NOTCH3: variants seen among roughly 807,000 people sequenced by gnomAD.
The protein encoded by NOTCH3 is neurogenic locus notch homolog protein 3.
NOTCH3 carries 86 observed loss-of-function variants against 213.3 expected under a neutral mutation model. The observed-to-expected ratio is 0.40, with a 90% confidence interval of 0.34 to 0.48. The LOEUF (loss-of-function observed/expected upper bound fraction) is 0.48. Ranked by LOEUF, NOTCH3 falls within the 20% of genes least tolerant of loss-of-function variation. The pLI is 0.57. For synonymous variants in NOTCH3, 1,354 were observed against 1,355.9 expected, an observed-to-expected ratio of 1.00 and a Z score of 0.03; for missense variants, 2,783 against 3,272.6, an observed-to-expected ratio of 0.85 and a Z score of 3.65.
In NOTCH3 at chr19:15,185,715, A is replaced by G; in HGVS notation, c.1952-36T>C. 2 of 1,608,222 alleles carry G rather than the reference A, an allele frequency of 1.2e-6. No homozygotes were observed. Among genetic ancestry groups the G allele is most frequent in the Non-Finnish European group, 1.7e-6 (2 of 1,177,612 alleles). On this transcript the variant is annotated intron_variant, in intron 12 of 32. Transcript: ENST00000263388. The surrounding 1 kb of genome is among the most constrained non-coding windows in gnomAD (Gnocchi z 4.2). ...CACAAGCAATCTCATCTCAGAACAA[A>G]GTCAGCAGGGACAACCAGGGAGGGA...
chr19:15,173,998 C>T (rs2046764992), intron 25 of NOTCH3, 70 bp downstream of exon 25: 1 of 1,337,998 alleles, frequency 7.5e-7, no homozygotes, highest in Non-Finnish European at 1.0e-6. Context: ...AAATGAAACA[C>T]ACAAGACCTG....
At chr19:15,172,315 A>G (rs540867011) in intron 25 of NOTCH3, among the ~76,000 whole-genome samples, 1 of 152,040 alleles carries the variant, frequency 6.6e-6, no homozygotes, top group African/African-American at 2.4e-5. Flanking sequence ...TTCAATGATC[A>G]TCAACACTTT....
At chr19:15,186,792 C>T in intron 12 of NOTCH3, 86 bp downstream of exon 12, 1 of 1,089,718 alleles carries the variant, frequency 9.2e-7, no homozygotes, top group Non-Finnish European at 1.4e-6. Context: ...CAAGAGTCTG[C>T]AAAGATACGG....
chr19:15,197,739 C>A lies in NOTCH3; in HGVS notation c.119-161G>T, dbSNP rs868502780. On this transcript the variant is annotated intron_variant, in intron 1 of 32. Transcript: ENST00000263388. The stretch of plus-strand genomic sequence containing the variant: ...CCCCCATCCACAGTTCCCACGCCCC[C>A]CCCCCCCCCGCCCCAGCCCCAGCTG... Among the ~76,000 whole-genome samples the A allele has an allele frequency of 2.3e-3, 176 of 76,948 alleles. 2 individuals carry two copies. The highest frequency in any genetic ancestry group is 5.5e-3 in the African/African-American group (169 of 30,602). 50.5% of individuals were successfully genotyped at this position (76,948 alleles called of 152,430 possible).
rs886041513 is a variant in NOTCH3 at position 15,189,003 on chromosome 19, C to T, written c.1364G>A (p.Cys455Tyr). 1 of 1,611,064 alleles carries T rather than the reference C, an allele frequency of 6.2e-7. No individual in the cohort carries two copies. The highest frequency in any genetic ancestry group is 8.5e-7 in the Non-Finnish European group (1 of 1,179,010). The change falls in exon 8 of 33, where the codon TGT (cysteine) becomes TAT (tyrosine). Residue 455 changes from cysteine to tyrosine, a missense_variant. Around this residue, in one of 6 missense-constraint regions of NOTCH3, gnomAD observed 708 missense variants for 906.6 expected, o/e 0.78. Transcript: ENST00000263388. ...CCACCACCCACCTGCCATACAGATA[C>T]AGGTGAACTGGCCTATGCGGTCGAG... is the stretch of plus-strand genomic sequence containing the variant. ...TCLDRIGQFTCICMAGFTGTY... is the reference protein window; with the variant it reads ...TCLDRIGQFTYICMAGFTGTY...
chr19:15,176,159 ATT>A lies in NOTCH3; in HGVS notation c.4403+1364_4403+1365del, dbSNP rs34620350. Among the ~76,000 whole-genome samples the A allele has an allele frequency of 3.2e-3, 387 of 119,960 alleles. 1 individual carries two copies. Among genetic ancestry groups the A allele is most frequent in the African/African-American group, 0.012 (348 of 28,572 alleles). 78.7% of individuals were successfully genotyped at this position (119,960 alleles called of 152,430 possible). On this transcript the variant is annotated intron_variant, in intron 24 of 32. Coordinates refer to ENST00000263388, the MANE Select transcript of NOTCH3 (RefSeq NM_000435.3). The stretch of plus-strand genomic sequence containing the variant: ...TTGGGTACACAGAGGAACAAAAGCA[ATT>A]TTTTTTTTTTTTTTTTTTTTTGGTG...
chr19:15,169,147 A>C (rs931513461), intron 28 of NOTCH3, among the ~76,000 whole-genome samples: 17 of 151,160 alleles, frequency 1.1e-4, no homozygotes, highest in African/African-American at 3.6e-4. Flanking sequence ...ATCCAATAGG[A>C]TTGGTATCCT....
Position 15,177,652 on chromosome 19 carries a change from G to A in NOTCH3, c.4276C>T (p.Arg1426Trp). Residue 1426 changes from arginine to tryptophan, a missense_variant, in exon 24 of 33, where the codon CGG (arginine) becomes TGG (tryptophan). Arg to Trp is a moderately radical substitution (Grantham distance 101). Around this residue, in one of 6 missense-constraint regions of NOTCH3, gnomAD observed 4 missense variants for 21.1 expected, o/e 0.19. Coordinates refer to ENST00000263388, the MANE Select transcript of NOTCH3 (RefSeq NM_000435.3). ...CAGCACTGCAGCGCCTCGCATTGCC[G>A]CCAGGGGTCGCCCACGCTCAGCGAG... ...DCSLSVGDPW[R>W]QCEALQCWRL... is the part of the protein sequence containing the mutation. The A allele has an allele frequency of 6.4e-7, 1 of 1,559,210 alleles. No homozygotes were observed. Among genetic ancestry groups the A allele is most frequent in the South Asian group, 1.2e-5 (1 of 85,790 alleles).
rs757407730 is a variant in NOTCH3 at position 15,185,638 on chromosome 19, G to A, written c.1993C>T (p.Pro665Ser). ...NVEINECASS[P>S]CGEGGSCVDG... ...ACACAGGAACCTCCCTCGCCGCATGGGCTGGAAGCACACTCATTGATCTCC... is the reference window on the plus strand; with the variant it reads ...ACACAGGAACCTCCCTCGCCGCATGAGCTGGAAGCACACTCATTGATCTCC... Residue 665 changes from proline to serine, a missense_variant, in exon 13 of 33, where the codon CCA becomes TCA. By Grantham distance (74) the Pro-to-Ser change is moderately conservative (BLOSUM62 -1). Around this residue, in one of 6 missense-constraint regions of NOTCH3, gnomAD observed 861 missense variants for 909.1 expected, o/e 0.95. Coordinates refer to ENST00000263388, the MANE Select transcript of NOTCH3 (RefSeq NM_000435.3). This position sits in a 1 kb window ranked among gnomAD's most constrained non-coding sequence, Gnocchi z 4.2. The A allele has an allele frequency of 5.6e-6, 9 of 1,613,610 alleles. No homozygotes were observed. Among genetic ancestry groups the A allele is most frequent in the Non-Finnish European group, 5.1e-6 (6 of 1,180,008 alleles).
Position 15,194,785 on chromosome 19 carries a change from G to A in NOTCH3, c.198-2266C>T, listed in dbSNP as rs183830034. Among the ~76,000 whole-genome samples, 167 of 151,928 alleles carry A rather than the reference G, an allele frequency of 1.1e-3. 1 individual carries two copies. Among genetic ancestry groups the A allele is most frequent in the African/African-American group, 1.3e-3 (52 of 41,426 alleles). On this transcript the variant is annotated intron_variant, in intron 2 of 32. Coordinates refer to ENST00000263388, the MANE Select transcript of NOTCH3 (RefSeq NM_000435.3). ...AGCCTGACCAACATGAAGAAACTCC[G>A]TCTCTACTAAAAACACAAAAAATCA... is the stretch of plus-strand genomic sequence containing the variant.
intron 32 of NOTCH3, 50 bp downstream of exon 32, chr19:15,162,415 A>G (rs761896906): frequency 2.6e-5 from 33 of 1,283,978 alleles, no homozygotes; most frequent in Non-Finnish European, 3.2e-5. Flanking sequence ...CTGGATTGCA[A>G]TGGCACTGTG....
chr19:15,179,446 A>G lies in NOTCH3; in HGVS notation c.3378T>C (p.Cys1126=). 2 of 1,614,028 alleles carry G rather than the reference A, an allele frequency of 1.2e-6. No homozygotes were observed. The highest frequency in any genetic ancestry group is 1.3e-5 in the African/African-American group (1 of 75,016). The change falls in exon 21 of 33, where the codon TGT becomes TGC. Residue 1126 remains cysteine, a synonymous_variant. Transcript: ENST00000263388. ...CCCCGTGCTGGCAGGGCTGGGAGGC[A>G]CACTCGTCCACGTCGTCCTCACAGT... ...GDNCEDDVDE[C]ASQPCQHGGS...
chr19:15,195,405 G>C (rs1297815163), intron 2 of NOTCH3, among the ~76,000 whole-genome samples: 1 of 152,060 alleles, frequency 6.6e-6, no homozygotes, highest in Admixed American at 6.5e-5. Flanking sequence ...AGAGGGAGGG[G>C]CTTAGAGAAG....
chr19:15,191,190 C>T (rs1052577062), intron 6 of NOTCH3, among the ~76,000 whole-genome samples: 3 of 152,086 alleles, frequency 2.0e-5, no homozygotes, highest in South Asian at 2.1e-4. Flanking sequence ...TGCACCACCA[C>T]GCGCAGCTAA....
chr19:15,186,890 G>T lies in NOTCH3; in HGVS notation c.1939C>A (p.Pro647Thr). ...GINRYDCVCQ[P>T]GFTGPLCNVE... Reference sequence around the variant, plus strand: ...GCCACTTGCCCACCTGTGAAGCCAGGTTGGCAGACACAGTCGTAGCGGTTG... The same window carrying T: ...GCCACTTGCCCACCTGTGAAGCCAGTTTGGCAGACACAGTCGTAGCGGTTG... Residue 647 changes from proline to threonine, a missense_variant, in exon 12 of 33, where the codon CCT becomes ACT. This residue lies in a region of NOTCH3 where 861 missense variants were observed against 909.1 expected (regional missense o/e 0.95). Coordinates refer to ENST00000263388, the MANE Select transcript of NOTCH3 (RefSeq NM_000435.3). The T allele has an allele frequency of 6.2e-7, 1 of 1,614,110 alleles. No homozygotes were observed. The highest frequency in any genetic ancestry group is 1.6e-4 in the Middle Eastern group (1 of 6,062).
chr19:15,171,333 GTTTT>G lies in NOTCH3; in HGVS notation c.4737-512_4737-509del, dbSNP rs1030784898. ...CGTGAGCCGCCACTGTGCCTGGCCT[GTTTT>G]TTTTGTTGTTTGTTTGTTCTGTTTT... is the stretch of plus-strand genomic sequence containing the variant. On this transcript the variant is annotated intron_variant, in intron 25 of 32. Coordinates refer to ENST00000263388, the MANE Select transcript of NOTCH3 (RefSeq NM_000435.3). Among the ~76,000 whole-genome samples the G allele has an allele frequency of 2.7e-5, 4 of 145,958 alleles. No individual in the cohort carries two copies. The East Asian group carries it at 7.7e-4, about 28-fold the overall frequency.
intron 24 of NOTCH3, among the ~76,000 whole-genome samples, chr19:15,174,781 C>G (rs996852163): frequency 6.6e-6 from 1 of 152,116 alleles, no homozygotes; most frequent in Non-Finnish European, 1.5e-5. Flanking sequence ...ACTATGTTGG[C>G]CAGGCTGCTG....
chr19:15,170,016 T>G, intron 28 of NOTCH3, 70 bp downstream of exon 28: 1 of 857,772 alleles, frequency 1.2e-6, no homozygotes, highest in Non-Finnish European at 1.9e-6. Context: ...CATCATCCAC[T>G]GGGGACCCCA....
intron 32 of NOTCH3, among the ~76,000 whole-genome samples, chr19:15,161,982 C>T (rs866916838): frequency 1.4e-4 from 16 of 114,696 alleles, no homozygotes; most frequent in Admixed American, 2.0e-4. Context: ...TTTTTCTTGT[C>T]TTTTTTTTTT....
Sources: gnomAD v4.1 joint callset for allele counts (sites outside exome capture counted in the v4.1 genomes callset) on GRCh38, gnomAD v4.1.1 for gene constraint, gnomAD v4.1.1 regional missense constraint, Gnocchi (gnomAD v3.1) non-coding constraint, MANE v1.5 for transcripts, NCBI Gene and HGNC (gene_info 2026-07-23, HGNC 2026-07-21) for gene names.